ADAMTSL3: variants seen among roughly 807,000 people sequenced by gnomAD.
ADAMTSL3 encodes the protein ADAMTS like 3.
In ADAMTSL3, 128 loss-of-function variants were observed where a neutral mutation model predicts 201.7. The observed-to-expected ratio is 0.63, with a 90% CI of 0.55 to 0.73. The LOEUF (loss-of-function observed/expected upper bound fraction) is 0.73, where lower values mean the gene tolerates loss of function less well. ADAMTSL3 is among the 30% of genes least tolerant of loss of function. The pLI is 0.00. For missense variants in ADAMTSL3, 1,990 were observed against 2,119.6 expected, an observed-to-expected ratio of 0.94 and a Z score of 1.20; for synonymous variants, 738 against 748.4, an observed-to-expected ratio of 0.99 and a Z score of 0.23.
intron 2 of ADAMTSL3, among the ~76,000 whole-genome samples, chr15:83,661,680 A>G (rs527788513): frequency 9.2e-5 from 14 of 152,222 alleles, no homozygotes; most frequent in Admixed American, 7.8e-4. Flanking sequence ...TCATCTGACA[A>G]AGGGCTAATA....
chr15:83,979,541 C>T (rs576705008), intron 20 of ADAMTSL3, among the ~76,000 whole-genome samples: 104 of 152,292 alleles, frequency 6.8e-4, no homozygotes, highest in Non-Finnish European at 1.1e-3. Flanking sequence ...GTGATTGTGT[C>T]TTGAATTTTA....
At chr15:83,936,537 A>G (rs1294061860) in intron 17 of ADAMTSL3, among the ~76,000 whole-genome samples, 1 of 151,000 alleles carries the variant, frequency 6.6e-6, no homozygotes, top group African/African-American at 2.5e-5. Flanking sequence ...TGTTATAAAC[A>G]TTTATAGTTA....
At chr15:83,976,762 G>A (rs1310028656) in intron 20 of ADAMTSL3, among the ~76,000 whole-genome samples, 1 of 152,166 alleles carries the variant, frequency 6.6e-6, no homozygotes, top group Non-Finnish European at 1.5e-5. Context: ...GGGAACGGCT[G>A]TAAATACAGA....
At chr15:83,662,882 G>T (rs2061194426) in intron 2 of ADAMTSL3, among the ~76,000 whole-genome samples, 1 of 152,190 alleles carries the variant, frequency 6.6e-6, no homozygotes, top group Non-Finnish European at 1.5e-5. Flanking sequence ...CCTCTCTCTG[G>T]TAGTTGTCAC....
chr15:83,973,825 A>C (rs1325946306), intron 20 of ADAMTSL3, among the ~76,000 whole-genome samples: 9 of 152,222 alleles, frequency 5.9e-5, no homozygotes, highest in Non-Finnish European at 8.8e-5. Context: ...GTAGACAAGA[A>C]AATCAGGCCC....
At chr15:83,990,754 T>C (rs988460833) in intron 22 of ADAMTSL3, among the ~76,000 whole-genome samples, 3 of 152,314 alleles carry the variant, frequency 2.0e-5, no homozygotes, top group African/African-American at 7.2e-5. Context: ...TATGAGCTTC[T>C]GAATTCCTTT....
chr15:83,980,904 G>A (rs1157695891), intron 20 of ADAMTSL3, among the ~76,000 whole-genome samples: 2 of 152,152 alleles, frequency 1.3e-5, no homozygotes, highest in Admixed American at 6.5e-5. Context: ...TGTAGCCAGC[G>A]CCAAGGGCCT....
Position 83,983,049 on chromosome 15 carries a change from A to G in ADAMTSL3, c.3421A>G (p.Ile1141Val), listed in dbSNP as rs373272261. ...GCCAACACACATGCAGTGGCGGGGC[A>G]TCCAGGAAGAGACACCTCCTGCTGC... ...AQPTHMQWRG[I>V]QEETPPAAQL... is the part of the protein sequence containing the mutation. The change falls in exon 21 of 30, where the codon ATC becomes GTC. Residue 1141 changes from isoleucine (I) to valine (V), a missense_variant. Transcript: ENST00000286744. 1.2e-6 allele frequency: 2 copies of G among 1,614,030 alleles called. No homozygotes were observed. The highest frequency in any genetic ancestry group is 1.1e-5 in the South Asian group (1 of 91,084).
Position 83,914,505 on chromosome 15 carries a change from G to A in ADAMTSL3, c.1987+1127G>A, listed in dbSNP as rs552039955. ...ACATTGCTAGCCTGGCAGTAAACCC[G>A]GCTAAAGTGGCATGTGCCTTACCCC... On this transcript the variant is annotated intron_variant, in intron 16 of 29. Transcript: ENST00000286744. Among the ~76,000 whole-genome samples, 279 of 152,240 alleles carry A rather than the reference G, an allele frequency of 1.8e-3. 1 individual carries two copies. The highest frequency in any genetic ancestry group is 6.5e-3 in the African/African-American group (270 of 41,544).
At chr15:83,779,559 G>A (rs1027937356) in intron 4 of ADAMTSL3, among the ~76,000 whole-genome samples, 4 of 151,750 alleles carry the variant, frequency 2.6e-5, no homozygotes, top group Admixed American at 6.6e-5. Context: ...TTAGCCGGGC[G>A]TGGTGGCAGG....
chr15:84,028,312 A>G (rs2068346774), intron 27 of ADAMTSL3, among the ~76,000 whole-genome samples: 1 of 152,256 alleles, frequency 6.6e-6, no homozygotes, highest in South Asian at 2.1e-4. Context: ...TGTAAGAAAA[A>G]TAAGTAAAAT....
chr15:83,766,134 A>G (rs1366191279), intron 3 of ADAMTSL3, among the ~76,000 whole-genome samples: 3 of 152,160 alleles, frequency 2.0e-5, no homozygotes, highest in Non-Finnish European at 2.9e-5. Flanking sequence ...TCTCCTAACC[A>G]AGGTACAAAT....
At chr15:83,655,326 C>T (rs1166267305) in intron 1 of ADAMTSL3, among the ~76,000 whole-genome samples, 1 of 152,210 alleles carries the variant, frequency 6.6e-6, no homozygotes, top group East Asian at 1.9e-4. Flanking sequence ...CAGGTCCTTT[C>T]CCTCTCTGGG....
intron 3 of ADAMTSL3, among the ~76,000 whole-genome samples, chr15:83,721,311 A>G (rs146431593): frequency 6.6e-6 from 1 of 152,290 alleles, no homozygotes; most frequent in East Asian, 1.9e-4. Context: ...GGCACAGGAA[A>G]CCTTATTTTA....
chr15:83,861,773 AT>A (rs1411711136), intron 8 of ADAMTSL3: 1 of 152,266 alleles, frequency 6.6e-6, no homozygotes, highest in Non-Finnish European at 1.5e-5. Flanking sequence ...TGGATGGAGA[AT>A]GACTTTGACG....
At chr15:83,783,720 C>G (rs138951173) in intron 4 of ADAMTSL3, among the ~76,000 whole-genome samples, 3 of 150,944 alleles carry the variant, frequency 2.0e-5, no homozygotes, top group Admixed American at 6.6e-5. Context: ...GTTTAATAGC[C>G]CTGAATACAC....
chr15:83,704,566 A>C, intron 3 of ADAMTSL3, 58 bp downstream of exon 3: 1 of 1,496,868 alleles, frequency 6.7e-7, no homozygotes, highest in Non-Finnish European at 8.8e-7. Flanking sequence ...TGGTCAGGAA[A>C]CTGTCTCTAA....
chr15:84,021,697 C>A, intron 26 of ADAMTSL3, 104 bp downstream of exon 26: 1 of 1,255,594 alleles, frequency 8.0e-7, no homozygotes, highest in South Asian at 1.5e-5. Flanking sequence ...TTTTTTTTAT[C>A]ACTTACTGTA....
Position 83,982,589 on chromosome 15 carries a change from A to G in ADAMTSL3, c.2961A>G (p.Ala987=), listed in dbSNP as rs200329837. ...IGVYRCIAGS[A]QETVVLKLIG... is the part of the protein sequence containing the mutation. Reference sequence around the variant, plus strand: ...TGTACCGGTGCATTGCAGGCTCTGCACAGGAAACAGTTGTGCTCAAGCTCA... The same window carrying G: ...TGTACCGGTGCATTGCAGGCTCTGCGCAGGAAACAGTTGTGCTCAAGCTCA... Residue 987 remains alanine, a synonymous_variant, in exon 21 of 30, where the codon GCA becomes GCG. Coordinates refer to ENST00000286744, the MANE Select transcript of ADAMTSL3 (RefSeq NM_207517.3). The G allele has an allele frequency of 4.3e-6, 7 of 1,614,048 alleles. No homozygotes were observed. The highest frequency in any genetic ancestry group is 5.9e-6 in the Non-Finnish European group (7 of 1,180,036).
Sources: gnomAD v4.1 joint callset for allele counts (sites outside exome capture counted in the v4.1 genomes callset) on GRCh38, gnomAD v4.1.1 for gene constraint, MANE v1.5 for transcripts, NCBI Gene and HGNC (gene_info 2026-07-23, HGNC 2026-07-21) for gene names.